PTPRN2: variants seen among roughly 807,000 people sequenced by gnomAD.
PTPRN2 encodes the protein receptor-type tyrosine-protein phosphatase N2.
A neutral mutation model predicts 118.8 loss-of-function variants in PTPRN2; 74 were observed. The ratio of observed to expected loss-of-function variants is 0.62; its 90% confidence interval spans 0.52 to 0.76. The LOEUF is 0.76. PTPRN2 is among the 30% of genes least tolerant of loss of function. The pLI, the probability that PTPRN2 is intolerant of heterozygous loss-of-function variation, is 0.00. For synonymous variants in PTPRN2, 641 were observed against 608.0 expected, an observed-to-expected ratio of 1.05 and a Z score of -0.80; for missense variants, 1,481 against 1,394.4, an observed-to-expected ratio of 1.06 and a Z score of -0.99.
chr7:158,547,430 C>T (rs540849846), intron 1 of PTPRN2, among the ~76,000 whole-genome samples: 1 of 152,048 alleles, frequency 6.6e-6, no homozygotes, highest in African/African-American at 2.4e-5. Flanking sequence ...TACTTTCTGT[C>T]GCTGACTCTG....
intron 2 of PTPRN2, among the ~76,000 whole-genome samples, chr7:158,339,186 G>C (rs796511661): frequency 0.026 from 52 of 2,034 alleles, 1 homozygote; most frequent in African/African-American, 0.045. Context: ...CACCCACACT[G>C]TCACCATAAG....
chr7:158,446,398 C>T (rs1817726743), intron 2 of PTPRN2, among the ~76,000 whole-genome samples: 1 of 152,224 alleles, frequency 6.6e-6, no homozygotes. Flanking sequence ...GCTGGGCCCA[C>T]TCACGATGGA....
intron 6 of PTPRN2, among the ~76,000 whole-genome samples, chr7:158,145,697 G>C (rs1485216104): frequency 6.6e-6 from 1 of 152,218 alleles, no homozygotes; most frequent in Non-Finnish European, 1.5e-5. Flanking sequence ...CACTTTCTCA[G>C]GCCTGATTAT....
chr7:157,630,050 T>A (rs372851568), intron 14 of PTPRN2, among the ~76,000 whole-genome samples: 1 of 152,224 alleles, frequency 6.6e-6, no homozygotes, highest in South Asian at 2.1e-4. Flanking sequence ...CATGTTAAAT[T>A]TTTGAATTCC....
intron 11 of PTPRN2, among the ~76,000 whole-genome samples, chr7:158,071,278 C>CCGT (rs1811482602): frequency 4.0e-5 from 1 of 25,130 alleles, no homozygotes; most frequent in Non-Finnish European, 7.3e-5. Flanking sequence ...GTGGAGGTGC[C>CCGT]CGTGGTGGTG....
In PTPRN2 at chr7:158,322,088, G is replaced by A. The variant is rs574646200; in HGVS notation, c.164-5156C>T. Among the ~76,000 whole-genome samples the A allele has an allele frequency of 4.6e-5, 7 of 152,268 alleles. No homozygotes were observed. The South Asian group carries it at 1.5e-3, about 32-fold the overall frequency. On this transcript the variant is annotated intron_variant, in intron 2 of 22. Transcript: ENST00000389418. ...ATCATCTCTGTCCCCAGCATTGCCT[G>A]AGCCTTGCAAAGCCCCTTCCTGTTC...
intron 12 of PTPRN2, among the ~76,000 whole-genome samples, chr7:157,747,056 T>C (rs201748066): frequency 6.9e-6 from 1 of 145,820 alleles, no homozygotes; most frequent in Non-Finnish European, 1.5e-5. Context: ...CCCTGAGCTG[T>C]GGGGTGTCCG....
At chr7:157,975,761 T>A (rs1426170832) in intron 11 of PTPRN2, among the ~76,000 whole-genome samples, 1 of 152,104 alleles carries the variant, frequency 6.6e-6, no homozygotes, top group Admixed American at 6.5e-5. Context: ...TTACCTTTTT[T>A]TTTTTCCATT....
intron 3 of PTPRN2, among the ~76,000 whole-genome samples, chr7:158,305,340 GATTC>G (rs1801200937): frequency 6.6e-6 from 1 of 152,110 alleles, no homozygotes; most frequent in Admixed American, 6.5e-5. Flanking sequence ...AAAAAATAGG[GATTC>G]ATTTTTATAT....
At chr7:157,735,888 C>T (rs944607339) in intron 12 of PTPRN2, among the ~76,000 whole-genome samples, 1 of 152,178 alleles carries the variant, frequency 6.6e-6, no homozygotes, top group African/African-American at 2.4e-5. Flanking sequence ...TGATAGCGAT[C>T]GGCACATGCC....
At chr7:158,301,255 CA>C (rs1299919156) in intron 3 of PTPRN2, among the ~76,000 whole-genome samples, 2 of 152,150 alleles carry the variant, frequency 1.3e-5, no homozygotes, top group African/African-American at 4.8e-5. Flanking sequence ...GACAGCATTG[CA>C]GGGCATGAAC....
At position 157,576,692 on chromosome 7, in the gene PTPRN2, T is replaced by TGC; in HGVS notation, c.2702_2703dup (p.Thr902AlafsTer3). On this transcript the variant is annotated frameshift_variant, in exon 19 of 23. Transcript: ENST00000389418. LOFTEE classifies it high-confidence loss of function. ...CTCAGGAAGTGGAACTGCGTCACGGTGCGCGTCTCGTTGGTCTGCAGGTTC... is the reference window on the plus strand; with the variant it reads ...CTCAGGAAGTGGAACTGCGTCACGGTGCGCGCGTCTCGTTGGTCTGCAGGTTC... 6.2e-7 allele frequency: 1 copy of TGC among 1,611,322 alleles called. No individual in the cohort carries two copies. Among genetic ancestry groups the TGC allele is most frequent in the East Asian group, 2.2e-5 (1 of 44,822 alleles).
At chr7:158,520,898 G>A (rs1374317514) in intron 1 of PTPRN2, among the ~76,000 whole-genome samples, 2 of 152,140 alleles carry the variant, frequency 1.3e-5, no homozygotes, top group East Asian at 3.9e-4. Flanking sequence ...TTCAGCAGGA[G>A]GATACACATG....
At chr7:157,811,290 A>T (rs1218920507) in intron 12 of PTPRN2, among the ~76,000 whole-genome samples, 2 of 147,694 alleles carry the variant, frequency 1.4e-5, no homozygotes, top group East Asian at 3.9e-4. Flanking sequence ...AACCCAAAAA[A>T]ATAAAACAAA....
chr7:158,259,081 C>A (rs569719107), intron 3 of PTPRN2, among the ~76,000 whole-genome samples: 1 of 152,320 alleles, frequency 6.6e-6, no homozygotes, highest in South Asian at 2.1e-4. Flanking sequence ...CCCGTGAGGA[C>A]CCCTGATGCC....
intron 5 of PTPRN2, among the ~76,000 whole-genome samples, chr7:158,175,340 C>T (rs1824090460): frequency 6.6e-6 from 1 of 152,196 alleles, no homozygotes; most frequent in Admixed American, 6.5e-5. Flanking sequence ...GGTGGGAACG[C>T]TGCAGCTCCG....
At chr7:157,994,166 A>G (rs1437730842) in intron 11 of PTPRN2, among the ~76,000 whole-genome samples, 2 of 152,164 alleles carry the variant, frequency 1.3e-5, no homozygotes, top group Admixed American at 1.3e-4. Flanking sequence ...ACAGGCCATT[A>G]ATACTGGTCT....
At chr7:158,514,101 C>G (rs550456285) in intron 1 of PTPRN2, among the ~76,000 whole-genome samples, 1 of 152,178 alleles carries the variant, frequency 6.6e-6, no homozygotes, top group Non-Finnish European at 1.5e-5. Flanking sequence ...GCCTACAACC[C>G]TCAATCAGTA....
chr7:158,037,354 G>A (rs1056510121), intron 11 of PTPRN2, among the ~76,000 whole-genome samples: 1 of 152,160 alleles, frequency 6.6e-6, no homozygotes, highest in African/African-American at 2.4e-5. Flanking sequence ...ATCGTTAGCT[G>A]ATGTTGTGCC....
Sources: allele counts gnomAD v4.1 joint callset (sites outside exome capture counted in the v4.1 genomes callset), GRCh38; gene constraint gnomAD v4.1.1; transcripts MANE v1.5; gene names NCBI Gene and HGNC (gene_info 2026-07-23, HGNC 2026-07-21).